Variants in ITGB6 observed in about 807,000 individuals in gnomAD.
ITGB6 encodes integrin beta-6.
Under a neutral mutation model 84.5 loss-of-function variants are expected in ITGB6, and 80 were observed. The observed-to-expected ratio is 0.95, with a 90% CI of 0.79 to 1.14. ITGB6 has a LOEUF of 1.14. Ranked by LOEUF, ITGB6 falls within the 50% of genes most tolerant of loss-of-function variation. The pLI, the probability that ITGB6 is intolerant of heterozygous loss-of-function variation, is 0.00. For missense variants in ITGB6, 1,006 were observed against 968.0 expected, an observed-to-expected ratio of 1.04 and a Z score of -0.52; for synonymous variants, 383 against 354.9, an observed-to-expected ratio of 1.08 and a Z score of -0.89.
At chr2:160,169,764 G>T (rs572840045) in intron 6 of ITGB6, among the ~76,000 whole-genome samples, 3 of 152,314 alleles carry the variant, frequency 2.0e-5, no homozygotes, top group African/African-American at 7.2e-5. Flanking sequence ...ATTGGATGAG[G>T]TGGAATGAGG....
At position 160,139,754 on chromosome 2, in the gene ITGB6, T is replaced by G. The variant is rs191812180; in HGVS notation, c.1108-1555A>C. The stretch of plus-strand genomic sequence containing the variant: ...TTCATTCATTCATTTTTTGAGCATC[T>G]CTTATGAACCAGGAAAAACAAAAGA... On this transcript the variant is annotated intron_variant, in intron 8 of 14. Coordinates refer to ENST00000283249, the MANE Select transcript of ITGB6 (RefSeq NM_000888.5). 1.3e-3 allele frequency among the ~76,000 whole-genome samples: 200 copies of G among 152,320 alleles called. 5 individuals carry two copies. Among genetic ancestry groups the G allele is most frequent in the Admixed American group, 1.2e-3 (18 of 15,300 alleles).
At position 160,142,221 on chromosome 2, in the gene ITGB6, T is replaced by C. The variant is rs540638698; in HGVS notation, c.1018-150A>G. ...CAAACCTGCTTTTCTCCTGAAACTG[T>C]AGCCTTTACTTTGTGCTGCTTCCTG... is the stretch of plus-strand genomic sequence containing the variant. On this transcript the variant is annotated intron_variant, in intron 7 of 14. Transcript: ENST00000283249. The C allele has an allele frequency of 6.9e-5, 40 of 580,730 alleles. No homozygotes were observed. The South Asian group carries it at 7.4e-4, about 11-fold the overall frequency. 36.0% of individuals were successfully genotyped at this position (580,730 alleles called of 1,614,324 possible).
In ITGB6 at chr2:160,172,713, C is replaced by A; in HGVS notation, c.777G>T (p.Arg259=). The change falls in exon 6 of 15, where the codon CGG becomes CGT. Residue 259 remains arginine (R), a synonymous_variant. Coordinates refer to ENST00000283249, the MANE Select transcript of ITGB6 (RefSeq NM_000888.5). ...AGACCAGGAGGTGGAGGGAGTCATTCCGCCAGCCAATTTTTTCCTACAGTG... is the reference window on the plus strand; with the variant it reads ...AGACCAGGAGGTGGAGGGAGTCATTACGCCAGCCAATTTTTTCCTACAGTG... ...AAVCKEKIGW[R]NDSLHLLVFV... is the part of the protein sequence containing the mutation. The A allele has an allele frequency of 6.3e-7, 1 of 1,594,296 alleles. No homozygotes were observed. The highest frequency in any genetic ancestry group is 8.6e-7 in the Non-Finnish European group (1 of 1,163,408).
chr2:160,187,018 T>A (rs183816617), intron 4 of ITGB6, among the ~76,000 whole-genome samples: 1 of 152,202 alleles, frequency 6.6e-6, no homozygotes, highest in African/African-American at 2.4e-5. Context: ...CTAACGTAGA[T>A]GACGGGTTGA....
intron 4 of ITGB6, among the ~76,000 whole-genome samples, chr2:160,190,679 G>A (rs575652130): frequency 2.0e-5 from 3 of 152,242 alleles, no homozygotes; most frequent in African/African-American, 7.2e-5. Flanking sequence ...ATAAATGCAT[G>A]AATAAAGTAC....
intron 7 of ITGB6, among the ~76,000 whole-genome samples, chr2:160,147,167 A>G (rs562536189): frequency 4.0e-5 from 6 of 151,888 alleles, no homozygotes; most frequent in Non-Finnish European, 7.4e-5. Flanking sequence ...AAAGAAAGAA[A>G]TGAAAGAAAG....
intron 7 of ITGB6, among the ~76,000 whole-genome samples, chr2:160,158,889 A>G (rs571906210): frequency 5.3e-5 from 8 of 152,266 alleles, no homozygotes; most frequent in Non-Finnish European, 1.2e-4. Flanking sequence ...TCATGAAGTC[A>G]GGAGATCGAG....
At position 160,112,114 on chromosome 2, in the gene ITGB6, C is replaced by A. The variant is rs1164506403; in HGVS notation, c.2067G>T (p.Glu689Asp). The A allele has an allele frequency of 6.2e-7, 1 of 1,612,850 alleles. No individual in the cohort carries two copies. Among genetic ancestry groups the A allele is most frequent in the South Asian group, 1.1e-5 (1 of 90,816 alleles). Residue 689 changes from glutamate (E) to aspartate (D), a missense_variant, in exon 13 of 15, where the codon GAG becomes GAT. Coordinates refer to ENST00000283249, the MANE Select transcript of ITGB6 (RefSeq NM_000888.5). ...TGATGCTGTGAATGATGGTTTTCCC[C>A]TCATTATCTGTAGTTATTAGGAATG... ...LITFLITTDN[E>D]GKTIIHSINE...
chr2:160,141,590 C>T (rs112920566), intron 8 of ITGB6, among the ~76,000 whole-genome samples: 108 of 152,230 alleles, frequency 7.1e-4, no homozygotes, highest in African/African-American at 2.6e-3. Context: ...GACCTAGTAT[C>T]GTCAAGCCTG....
chr2:160,198,532 C>T (rs971775900), intron 2 of ITGB6, among the ~76,000 whole-genome samples: 8 of 152,230 alleles, frequency 5.3e-5, no homozygotes, highest in Admixed American at 1.3e-4. Flanking sequence ...AGTTAGACAT[C>T]ATTCTCTAGT....
At chr2:160,168,575 G>T (rs542071736) in intron 7 of ITGB6, among the ~76,000 whole-genome samples, 27 of 152,260 alleles carry the variant, frequency 1.8e-4, no homozygotes, top group Admixed American at 9.2e-4. Flanking sequence ...TTTTGTATGT[G>T]CATATATCGT....
In ITGB6 at chr2:160,172,662, A is replaced by G; in HGVS notation, c.828T>C (p.Phe276=). The G allele has an allele frequency of 1.9e-6, 3 of 1,611,806 alleles. No homozygotes were observed. The highest frequency in any genetic ancestry group is 2.5e-6 in the Non-Finnish European group (3 of 1,178,026). Residue 276 remains phenylalanine (F), a synonymous_variant, in exon 6 of 15, where the codon TTT becomes TTC. Transcript: ENST00000283249. Reference sequence around the variant, plus strand: ...TGCCTGCTAGTTTGCTGTCCATTCCAAAATGAGAATCAGCATCACTCACAA... The same window carrying G: ...TGCCTGCTAGTTTGCTGTCCATTCCGAAATGAGAATCAGCATCACTCACAA... The part of the protein sequence containing the change: ...LVFVSDADSH[F]GMDSKLAGIV...
intron 7 of ITGB6, among the ~76,000 whole-genome samples, chr2:160,144,451 C>T (rs1168411894): frequency 6.6e-6 from 1 of 152,128 alleles, no homozygotes; most frequent in Admixed American, 6.5e-5. Context: ...AAGCATGTGA[C>T]ATGTGGTTAA....
At chr2:160,163,523 TCA>T (rs1379162444) in intron 7 of ITGB6, among the ~76,000 whole-genome samples, 1 of 152,022 alleles carries the variant, frequency 6.6e-6, no homozygotes, top group Non-Finnish European at 1.5e-5. Flanking sequence ...TCCCAGCTAC[TCA>T]GGAGGCTGAG....
In ITGB6 at chr2:160,101,605, A is replaced by T. The variant is rs1279822949; in HGVS notation, c.*131T>A. On this transcript the variant is annotated 3_prime_UTR_variant, in exon 15 of 15. Coordinates refer to ENST00000283249, the MANE Select transcript of ITGB6 (RefSeq NM_000888.5). ...ACAGTCTGTCACCTTCATGTAGAGG[A>T]TGACTTATCTGCAGATGTCCTATTA... 7.5e-6 allele frequency: 5 copies of T among 665,402 alleles called. No individual in the cohort carries two copies. Among genetic ancestry groups the T allele is most frequent in the Non-Finnish European group, 8.1e-6 (3 of 371,348 alleles). The allele number at this position is 665,402 out of a possible 1,614,324, so 41.2% of individuals were successfully genotyped here.
intron 6 of ITGB6, among the ~76,000 whole-genome samples, chr2:160,169,889 A>T (rs1685140515): frequency 6.6e-6 from 1 of 152,232 alleles, no homozygotes; most frequent in Non-Finnish European, 1.5e-5. Context: ...TTTACAGGAC[A>T]ATTGAAAACT....
At chr2:160,104,046 CAG>C (rs1196914527) in intron 14 of ITGB6, among the ~76,000 whole-genome samples, 1 of 152,120 alleles carries the variant, frequency 6.6e-6, no homozygotes, top group African/African-American at 2.4e-5. Context: ...ATTTTGATGG[CAG>C]AGTTTTCATT....
At chr2:160,147,761 C>T (rs1270558622) in intron 7 of ITGB6, among the ~76,000 whole-genome samples, 3 of 152,150 alleles carry the variant, frequency 2.0e-5, no homozygotes, top group Non-Finnish European at 4.4e-5. Context: ...GCTTGAACAA[C>T]TGGACATTCA....
chr2:160,181,221 C>A (rs1685655286), intron 4 of ITGB6, among the ~76,000 whole-genome samples: 2 of 152,188 alleles, frequency 1.3e-5, no homozygotes, highest in East Asian at 1.9e-4. Flanking sequence ...TGGAGCCCAG[C>A]AAGCTAAGAT....
Sources: allele counts gnomAD v4.1 joint callset (sites outside exome capture counted in the v4.1 genomes callset), GRCh38; gene constraint gnomAD v4.1.1; transcripts MANE v1.5; gene names NCBI Gene and HGNC (gene_info 2026-07-23, HGNC 2026-07-21).